Variants in CDC20B observed in about 807,000 individuals in gnomAD.
CDC20B encodes cell division cycle protein 20 homolog B.
In CDC20B, 58 loss-of-function variants were observed where a neutral mutation model predicts 64.1. The observed-to-expected ratio is 0.90, with a 90% confidence interval of 0.73 to 1.13. The LOEUF (loss-of-function observed/expected upper bound fraction) is 1.13, where lower values mean the gene tolerates loss of function less well. Ranked by LOEUF, CDC20B falls within the 50% of genes most tolerant of loss-of-function variation. The pLI, the probability that CDC20B is intolerant of heterozygous loss-of-function variation, is 0.00. For missense variants in CDC20B, 597 were observed against 633.0 expected (o/e 0.94, Z 0.61); for synonymous variants, 243 against 230.6 (o/e 1.05, Z -0.49).
At chr5:55,117,628 G>A (rs1256168767) in intron 11 of CDC20B, among the ~76,000 whole-genome samples, 3 of 152,032 alleles carry the variant, frequency 2.0e-5, no homozygotes, top group East Asian at 1.9e-4. Context: ...GCCTCACAAC[G>A]AAAGCCATAA....
intron 2 of CDC20B, chr5:55,172,382 A>G: frequency 3.8e-6 from 2 of 523,760 alleles, no homozygotes; most frequent in Non-Finnish European, 6.8e-6. Flanking sequence ...GGCAGAAACT[A>G]GAAAGTACGA....
intron 5 of CDC20B, among the ~76,000 whole-genome samples, chr5:55,139,698 T>C (rs539469101): frequency 2.0e-5 from 3 of 152,300 alleles, no homozygotes; most frequent in Non-Finnish European, 2.9e-5. Flanking sequence ...AAGTGTGATA[T>C]AAGCATGTCG....
At chr5:55,133,697 A>C (rs1184715708) in intron 5 of CDC20B, among the ~76,000 whole-genome samples, 169 bp from the exon 6 acceptor site, 1 of 152,200 alleles carries the variant, frequency 6.6e-6, no homozygotes, top group African/African-American at 2.4e-5. Context: ...GGAAATGAAG[A>C]GCACTTCAGT....
At chr5:55,140,843 C>G (rs1743309777) in intron 4 of CDC20B, among the ~76,000 whole-genome samples, 2 of 152,124 alleles carry the variant, frequency 1.3e-5, no homozygotes, top group Non-Finnish European at 2.9e-5. Context: ...AATCTGGGTC[C>G]CATCCCTTTG....
At chr5:55,165,572 G>T (rs1744338447) in intron 2 of CDC20B, 2 of 152,192 alleles carry the variant, frequency 1.3e-5, no homozygotes, top group Non-Finnish European at 2.9e-5. Flanking sequence ...TTGGACCAAA[G>T]TTATTAGATA....
chr5:55,138,574 TGA>T (rs1435550373), intron 5 of CDC20B, among the ~76,000 whole-genome samples: 6 of 152,056 alleles, frequency 3.9e-5, no homozygotes, highest in African/African-American at 1.4e-4. Flanking sequence ...GTTTTCACTC[TGA>T]GAGAAGCCAA....
intron 11 of CDC20B, among the ~76,000 whole-genome samples, chr5:55,115,010 A>G (rs1742590429): frequency 6.6e-6 from 1 of 151,946 alleles, no homozygotes; most frequent in African/African-American, 2.4e-5. Context: ...CTCTAATCCA[A>G]CCATTCCTAC....
At chr5:55,127,106 G>C (rs967327618) in intron 8 of CDC20B, 151 bp downstream of exon 8, 9 of 645,072 alleles carry the variant, frequency 1.4e-5, no homozygotes, top group African/African-American at 1.1e-4. Context: ...CTGAATACCT[G>C]AGAGGGTGGG....
At chr5:55,158,603 C>A (rs1743884819) in intron 2 of CDC20B, among the ~76,000 whole-genome samples, 2 of 152,184 alleles carry the variant, frequency 1.3e-5, no homozygotes, top group Admixed American at 1.3e-4. Flanking sequence ...CTCTGAAGCT[C>A]CACAAGCTAA....
chr5:55,131,919 G>T (rs1206562040), intron 6 of CDC20B, among the ~76,000 whole-genome samples: 4 of 152,020 alleles, frequency 2.6e-5, no homozygotes, highest in Non-Finnish European at 5.9e-5. Context: ...ACAAAAATTA[G>T]CCAGGCATGG....
rs1742952459 is a variant in CDC20B at position 55,128,553 on chromosome 5, G to A, written c.762C>T (p.Tyr254=). 3 of 1,606,862 alleles carry A rather than the reference G, an allele frequency of 1.9e-6. No homozygotes were observed. The highest frequency in any genetic ancestry group is 2.7e-5 in the African/African-American group (2 of 74,434). The change falls in exon 7 of 12, where the codon TAC becomes TAT. Residue 254 remains tyrosine (Y), a synonymous_variant. Transcript: ENST00000381375. ...LVAIALGSAV[Y]IWNGENHNGI... The stretch of plus-strand genomic sequence containing the variant: ...CATTGTGGTTCTCCCCATTCCAGAT[G>A]TATACAGCAGAGCCCAGGGCTATGG...
chr5:55,168,281 G>A (rs191851461), intron 2 of CDC20B, among the ~76,000 whole-genome samples: 1 of 152,122 alleles, frequency 6.6e-6, no homozygotes, highest in Admixed American at 6.5e-5. Context: ...CAGGTTCAGA[G>A]GGCAGCGATG....
chr5:55,159,048 A>G (rs1231800075), intron 2 of CDC20B, among the ~76,000 whole-genome samples: 1 of 152,070 alleles, frequency 6.6e-6, no homozygotes, highest in African/African-American at 2.4e-5. Context: ...ATTTTAAGAT[A>G]GTCTCACTCT....
At chr5:55,172,038 A>G (rs1212715961) in intron 2 of CDC20B, among the ~76,000 whole-genome samples, 2 of 152,260 alleles carry the variant, frequency 1.3e-5, no homozygotes, top group African/African-American at 4.8e-5. Context: ...ACAGAGATTT[A>G]AAGCAGATGA....
rs367903017 is a variant in CDC20B, at chr5:55,133,423, C to T, written c.686G>A (p.Arg229Gln). The change falls in exon 6 of 12, where the codon CGA (arginine) becomes CAA (glutamine). Residue 229 changes from arginine to glutamine, a missense_variant. Physicochemically the swap from Arg to Gln is conservative, Grantham distance 43 (BLOSUM62 1). Around this residue, in one of 3 missense-constraint regions of CDC20B, gnomAD observed 353 missense variants for 397.0 expected, o/e 0.89. Transcript: ENST00000381375. ...PEVKIHITGL[R>Q]NDYYLNILDW... The stretch of plus-strand genomic sequence containing the variant: ...AAATGATAACTTACAGTAGTCATTT[C>T]GAAGACCAGTAATATGAATCTTCAC... 31 of 1,525,662 alleles carry T rather than the reference C, an allele frequency of 2.0e-5. No individual in the cohort carries two copies. Among genetic ancestry groups the T allele is most frequent in the Middle Eastern group, 1.7e-4 (1 of 5,804 alleles). 94.5% of individuals were successfully genotyped at this position (1,525,662 alleles called of 1,614,324 possible). A position where few individuals can be genotyped will look rare whatever the true frequency, so the allele number is the denominator to read the frequency against.
At chr5:55,146,478 C>T in intron 3 of CDC20B, 150 bp downstream of exon 3, 1 of 608,278 alleles carries the variant, frequency 1.6e-6, no homozygotes, top group Non-Finnish European at 2.9e-6. Flanking sequence ...TCATTTCTCC[C>T]CACCTTGGAA....
chr5:55,138,597 G>A (rs1190079996), intron 5 of CDC20B, among the ~76,000 whole-genome samples: 1 of 152,046 alleles, frequency 6.6e-6, no homozygotes, highest in Non-Finnish European at 1.5e-5. Flanking sequence ...AGTAAATGGG[G>A]GGTTGGAGGG....
At position 55,132,657 on chromosome 5, in the gene CDC20B, T is replaced by A. The variant is rs143148343; in HGVS notation, c.697+755A>T. On this transcript the variant is annotated intron_variant, in intron 6 of 11. Transcript: ENST00000381375. Reference sequence around the variant, plus strand: ...TCTTTCCTACTAAGTGCATTCTGCATACTCTGCCATGAATTTTCCTTTGAT... The same window carrying A: ...TCTTTCCTACTAAGTGCATTCTGCAAACTCTGCCATGAATTTTCCTTTGAT... Among the ~76,000 whole-genome samples, 393 of 152,352 alleles carry A rather than the reference T, an allele frequency of 2.6e-3. 2 individuals are homozygous for A. The highest frequency in any genetic ancestry group is 8.8e-3 in the African/African-American group (367 of 41,584).
chr5:55,127,082 C>A (rs1470974083), intron 8 of CDC20B, among the ~76,000 whole-genome samples, 175 bp downstream of exon 8: 1 of 152,176 alleles, frequency 6.6e-6, no homozygotes, highest in Non-Finnish European at 1.5e-5. Flanking sequence ...AAGACACTTA[C>A]ATGACCAGCA....
Sources: gnomAD v4.1 joint callset for allele counts (sites outside exome capture counted in the v4.1 genomes callset) on GRCh38, gnomAD v4.1.1 for gene constraint, gnomAD v4.1.1 regional missense constraint, MANE v1.5 for transcripts, NCBI Gene and HGNC (gene_info 2026-07-23, HGNC 2026-07-21) for gene names.